CNTNAP4: variants seen among roughly 807,000 people sequenced by gnomAD.
The protein encoded by CNTNAP4 is contactin-associated protein-like 4.
Under a neutral mutation model 148.4 loss-of-function variants are expected in CNTNAP4, and 98 were observed. That is an observed-to-expected ratio of 0.66 (90% CI 0.56 to 0.78). The LOEUF is 0.78. Among genes scored for constraint, CNTNAP4 ranks in the 30% least tolerant of loss-of-function variants. The pLI is 0.00. For synonymous variants in CNTNAP4, 730 were observed against 565.1 expected, an observed-to-expected ratio of 1.29 and a Z score of -4.14; for missense variants, 1,935 against 1,565.6, an observed-to-expected ratio of 1.24 and a Z score of -3.98.
chr16:76,362,530 C>T (rs2013560942), intron 3 of CNTNAP4, among the ~76,000 whole-genome samples: 1 of 152,108 alleles, frequency 6.6e-6, no homozygotes, highest in Non-Finnish European at 1.5e-5. Context: ...TATTACAAAG[C>T]TACAATATGG....
Position 76,558,569 on chromosome 16 carries a change from T to C in CNTNAP4, c.3813T>C (p.Tyr1271=), listed in dbSNP as rs776248760. The C allele has an allele frequency of 6.2e-7, 1 of 1,612,806 alleles. No individual in the cohort carries two copies. Among genetic ancestry groups the C allele is most frequent in the South Asian group, 1.1e-5 (1 of 91,020 alleles). ...GCATTTATCAGCAGAAAAGGTTATA[T>C]AAAAGAAGTGAGGCAAAAAGGTCAG... ...AVRIYQQKRL[Y]KRSEAKRSEN... Residue 1271 remains tyrosine, a synonymous_variant, in exon 24 of 24, where the codon TAT becomes TAC. Transcript: ENST00000611870.
chr16:76,419,735 T>G (rs2079113604), intron 3 of CNTNAP4, among the ~76,000 whole-genome samples: 2 of 152,108 alleles, frequency 1.3e-5, no homozygotes, highest in East Asian at 3.9e-4. Flanking sequence ...CAACAGACAT[T>G]TATTACTTAT....
At chr16:76,392,249 C>T (rs1031593730) in intron 3 of CNTNAP4, among the ~76,000 whole-genome samples, 4 of 152,166 alleles carry the variant, frequency 2.6e-5, no homozygotes, top group African/African-American at 9.7e-5. Flanking sequence ...CTGCCTTGGC[C>T]TCCCAAACTG....
intron 23 of CNTNAP4, among the ~76,000 whole-genome samples, chr16:76,555,246 T>G (rs1196593021): frequency 6.6e-6 from 1 of 152,190 alleles, no homozygotes; most frequent in East Asian, 1.9e-4. Context: ...GTGTGGATAT[T>G]AACTCCCCCA....
chr16:76,505,634 CATT>C lies in CNTNAP4; in HGVS notation c.2365+6942_2365+6944del, dbSNP rs2082813642. On this transcript the variant is annotated intron_variant, in intron 15 of 23. Coordinates refer to ENST00000611870, the MANE Select transcript of CNTNAP4 (RefSeq NM_033401.5). ...TTGTACTCTATATAAATTACCATAA[CATT>C]AATATATTTTAATAAGTAATAAATG... 2.0e-5 allele frequency among the ~76,000 whole-genome samples: 2 copies of C among 97,628 alleles called. 1 individual carries two copies. Among genetic ancestry groups the C allele is most frequent in the Non-Finnish European group, 5.8e-5 (2 of 34,428 alleles). The allele number at this position is 97,628 out of a possible 152,430, so 64.0% of individuals were successfully genotyped here.
intron 4 of CNTNAP4, among the ~76,000 whole-genome samples, chr16:76,437,158 G>A (rs1299608314): frequency 1.3e-5 from 2 of 151,994 alleles, no homozygotes; most frequent in Admixed American, 6.6e-5. Context: ...ATGTAGGCGG[G>A]GAGGCTAAGC....
At chr16:76,356,238 G>A (rs529529834) in intron 3 of CNTNAP4, among the ~76,000 whole-genome samples, 2 of 152,172 alleles carry the variant, frequency 1.3e-5, no homozygotes, top group South Asian at 4.1e-4. Context: ...TGATAACTGA[G>A]ATTTTTGAAA....
chr16:76,341,738 C>CA (rs374450894), intron 2 of CNTNAP4, among the ~76,000 whole-genome samples: 34 of 147,488 alleles, frequency 2.3e-4, no homozygotes, highest in East Asian at 1.2e-3. Flanking sequence ...CTTCAGCATC[C>CA]AAAAAAAAAA....
At chr16:76,438,043 G>T (rs962250920) in intron 4 of CNTNAP4, among the ~76,000 whole-genome samples, 3 of 152,158 alleles carry the variant, frequency 2.0e-5, no homozygotes, top group African/African-American at 7.2e-5. Context: ...TGGAATAAGG[G>T]AAGTAAACTT....
At chr16:76,551,923 A>G (rs1397742949) in intron 21 of CNTNAP4, among the ~76,000 whole-genome samples, 1 of 152,200 alleles carries the variant, frequency 6.6e-6, no homozygotes, top group Non-Finnish European at 1.5e-5. Flanking sequence ...TATACAGTGC[A>G]GGGGAGAATA....
rs1269995753 is a variant in CNTNAP4 at position 76,452,713 on chromosome 16, G to C, written c.1277G>C (p.Gly426Ala). 1 of 1,611,036 alleles carries C rather than the reference G, an allele frequency of 6.2e-7. No homozygotes were observed. The highest frequency in any genetic ancestry group is 8.5e-7 in the Non-Finnish European group (1 of 1,178,394). ...GGTATCCTCCTCTTTCTGAGTGATG[G>C]AAAACTTAAGTCGAATCTCTACCAG... is the stretch of plus-strand genomic sequence containing the variant. ...SGGILLFLSDGKLKSNLYQPG... is the reference protein window; with the variant it reads ...SGGILLFLSDAKLKSNLYQPG... Residue 426 changes from glycine to alanine, a missense_variant, in exon 8 of 24, where the codon GGA becomes GCA. By Grantham distance (60) the Gly-to-Ala change is moderately conservative. Coordinates refer to ENST00000611870, the MANE Select transcript of CNTNAP4 (RefSeq NM_033401.5).
At chr16:76,330,115 T>A (rs1430132564) in intron 2 of CNTNAP4, among the ~76,000 whole-genome samples, 4 of 152,220 alleles carry the variant, frequency 2.6e-5, no homozygotes, top group African/African-American at 9.7e-5. Flanking sequence ...TCTCACTTTA[T>A]CAACTTAAGT....
intron 1 of CNTNAP4, among the ~76,000 whole-genome samples, chr16:76,281,548 A>G (rs1461314244): frequency 6.6e-6 from 1 of 152,128 alleles, no homozygotes; most frequent in Non-Finnish European, 1.5e-5. Context: ...GGAAATAAAG[A>G]TTATTGTCTT....
intron 2 of CNTNAP4, among the ~76,000 whole-genome samples, chr16:76,348,956 C>T (rs1965146694): frequency 6.6e-6 from 1 of 151,622 alleles, no homozygotes; most frequent in South Asian, 2.1e-4. Context: ...GGGAATTATC[C>T]ATTAAAGAGA....
At chr16:76,458,071 A>C (rs142843655) in intron 8 of CNTNAP4, among the ~76,000 whole-genome samples, 15 of 152,184 alleles carry the variant, frequency 9.9e-5, no homozygotes, top group African/African-American at 3.6e-4. Flanking sequence ...TTTTGTGTTA[A>C]TTCACTTAGG....
intron 2 of CNTNAP4, among the ~76,000 whole-genome samples, chr16:76,353,703 TATGC>T (rs2012170618): frequency 6.6e-6 from 1 of 152,124 alleles, no homozygotes; most frequent in Non-Finnish European, 1.5e-5. Flanking sequence ...AGTTTACCCT[TATGC>T]TGTCCTCTGG....
intron 3 of CNTNAP4, among the ~76,000 whole-genome samples, chr16:76,376,203 A>G (rs191482404): frequency 5.1e-4 from 78 of 152,282 alleles, no homozygotes; most frequent in African/African-American, 1.9e-3. Context: ...AAAAAATACA[A>G]CTCATGCAAA....
intron 2 of CNTNAP4, among the ~76,000 whole-genome samples, chr16:76,331,211 A>AG (rs1555525160): frequency 6.6e-6 from 1 of 150,678 alleles, no homozygotes; most frequent in Non-Finnish European, 1.5e-5. Flanking sequence ...TTTTTTAGAC[A>AG]GAGTCTCGCT....
At chr16:76,382,707 TATCAAGGAAAA>T (rs1242602799) in intron 3 of CNTNAP4, among the ~76,000 whole-genome samples, 10 of 152,164 alleles carry the variant, frequency 6.6e-5, no homozygotes, top group African/African-American at 1.2e-4. Flanking sequence ...ATCAAGAAAT[TATCAAGGAAAA>T]ATGATATCTC....
Sources: gnomAD v4.1 joint callset for allele counts (sites outside exome capture counted in the v4.1 genomes callset) on GRCh38, gnomAD v4.1.1 for gene constraint, MANE v1.5 for transcripts, NCBI Gene and HGNC (gene_info 2026-07-23, HGNC 2026-07-21) for gene names.